The following NR6A1 variants were observed in gnomAD, a reference collection of about 807,000 sequenced individuals.
The protein encoded by NR6A1 is retinoic acid receptor-related testis-associated receptor.
A neutral mutation model predicts 59.1 loss-of-function variants in NR6A1; 7 were observed. That is an observed-to-expected ratio of 0.12 (90% CI 0.07 to 0.22). The LOEUF (loss-of-function observed/expected upper bound fraction) is 0.22, where lower values mean the gene tolerates loss of function less well. NR6A1 is among the 10% of genes least tolerant of loss of function. The pLI is 1.00. For missense variants in NR6A1, 468 were observed against 611.6 expected (o/e 0.77, Z 2.48); for synonymous variants, 243 against 236.1 (o/e 1.03, Z -0.27).
At chr9:124,723,693 G>C (rs1438713291) in intron 2 of NR6A1, among the ~76,000 whole-genome samples, 2 of 152,304 alleles carry the variant, frequency 1.3e-5, no homozygotes, top group African/African-American at 4.8e-5. Context: ...ACACTTAATA[G>C]TATTTACCAT....
chr9:124,649,795 A>C (rs1244402724), intron 2 of NR6A1, among the ~76,000 whole-genome samples: 1 of 152,206 alleles, frequency 6.6e-6, no homozygotes, highest in African/African-American at 2.4e-5. Context: ...AAAAAGATGA[A>C]GAGACATTTC....
chr9:124,625,591 CTGTTCTTCATTAATTCTAGTG>C (rs1223085808), intron 2 of NR6A1, among the ~76,000 whole-genome samples: 30 of 152,280 alleles, frequency 2.0e-4, no homozygotes, highest in African/African-American at 7.0e-4. Context: ...TCTAGGTTTT[CTGTTCTTCATTAATTCTAGTG>C]TGTTCTTCAT....
intron 2 of NR6A1, among the ~76,000 whole-genome samples, chr9:124,563,351 A>T (rs1185294524): frequency 6.6e-6 from 1 of 152,232 alleles, no homozygotes; most frequent in Non-Finnish European, 1.5e-5. Context: ...GTACTGGATC[A>T]CAATGTATGT....
chr9:124,714,565 A>T (rs536431847), intron 2 of NR6A1, among the ~76,000 whole-genome samples: 3 of 152,320 alleles, frequency 2.0e-5, no homozygotes, highest in Admixed American at 1.3e-4. Context: ...CAATAAGAAA[A>T]ATAAATAAGT....
intron 2 of NR6A1, among the ~76,000 whole-genome samples, chr9:124,659,292 G>C (rs1026634875): frequency 3.3e-5 from 5 of 152,116 alleles, no homozygotes; most frequent in Non-Finnish European, 7.3e-5. Context: ...GGAGCGGGGG[G>C]GCGGGTAGGG....
At chr9:124,571,933 A>T (rs866713404) in intron 2 of NR6A1, among the ~76,000 whole-genome samples, 7 of 152,318 alleles carry the variant, frequency 4.6e-5, no homozygotes, top group African/African-American at 1.4e-4. Flanking sequence ...AAAAAAAAAA[A>T]ATTGACTATG....
chr9:124,586,449 T>C (rs1834937569), intron 2 of NR6A1, among the ~76,000 whole-genome samples: 1 of 151,986 alleles, frequency 6.6e-6, no homozygotes, highest in Non-Finnish European at 1.5e-5. Flanking sequence ...ATGATAATTT[T>C]TTTTTTTTTT....
intron 2 of NR6A1, among the ~76,000 whole-genome samples, chr9:124,731,644 T>G (rs147350962): frequency 3.3e-5 from 5 of 152,188 alleles, no homozygotes; most frequent in African/African-American, 1.2e-4. Context: ...TCCTTCAGCA[T>G]GAAGGTGGTG....
intron 2 of NR6A1, among the ~76,000 whole-genome samples, chr9:124,731,489 C>T (rs1018474967): frequency 4.6e-5 from 7 of 152,072 alleles, no homozygotes; most frequent in Non-Finnish European, 8.8e-5. Context: ...TCGAATAACA[C>T]GTTTCAACTA....
chr9:124,715,231 C>T (rs1373681339), intron 2 of NR6A1, among the ~76,000 whole-genome samples: 1 of 151,308 alleles, frequency 6.6e-6, no homozygotes, highest in African/African-American at 2.4e-5. Flanking sequence ...ACTCAAGACT[C>T]AATATTATTG....
chr9:124,567,964 A>T (rs914836542), intron 2 of NR6A1, among the ~76,000 whole-genome samples: 2 of 148,482 alleles, frequency 1.3e-5, no homozygotes, highest in Non-Finnish European at 3.0e-5. Flanking sequence ...TCACGAGGTC[A>T]AGAGATTGAG....
intron 4 of NR6A1, among the ~76,000 whole-genome samples, chr9:124,541,832 A>G (rs1833456972): frequency 6.6e-6 from 1 of 152,220 alleles, no homozygotes; most frequent in Non-Finnish European, 1.5e-5. Context: ...TATACATAAA[A>G]CACCTTAAAA....
chr9:124,535,996 T>C lies in NR6A1; in HGVS notation c.961A>G (p.Ser321Gly). 1.9e-6 allele frequency: 3 copies of C among 1,614,180 alleles called. No homozygotes were observed. Among genetic ancestry groups the C allele is most frequent in the Non-Finnish European group, 2.5e-6 (3 of 1,180,046 alleles). Residue 321 changes from serine (S) to glycine (G), a missense_variant, in exon 7 of 10, where the codon AGC (serine) becomes GGC (glycine). Ser to Gly is a moderately conservative substitution (Grantham distance 56, BLOSUM62 0). This residue lies in a region of NR6A1 where 176 missense variants were observed against 264.0 expected (regional missense o/e 0.67). Coordinates refer to ENST00000487099, the MANE Select transcript of NR6A1 (RefSeq NM_033334.4). The stretch of plus-strand genomic sequence containing the variant: ...AGGATTAGCTCCTGCCACGTAGAGC[T>C]CAAGAGGCACGTGTAATCCTTGATT... ...LSIKDYTCLLSSTWQELILLS... is the reference protein window; with the variant it reads ...LSIKDYTCLLGSTWQELILLS...
chr9:124,661,961 T>C (rs1307015245), intron 2 of NR6A1, among the ~76,000 whole-genome samples: 3 of 151,974 alleles, frequency 2.0e-5, no homozygotes, highest in Admixed American at 6.6e-5. Flanking sequence ...ATATCCAGCA[T>C]ACCCATCTTC....
intron 2 of NR6A1, among the ~76,000 whole-genome samples, chr9:124,558,886 C>T (rs1002391340): frequency 1.3e-5 from 2 of 152,126 alleles, no homozygotes; most frequent in African/African-American, 4.8e-5. Flanking sequence ...TGTAAATGAA[C>T]AAACTGAAGC....
At chr9:124,696,378 T>G (rs1004574716) in intron 2 of NR6A1, among the ~76,000 whole-genome samples, 1 of 152,144 alleles carries the variant, frequency 6.6e-6, no homozygotes, top group African/African-American at 2.4e-5. Flanking sequence ...TGGCTTTTGT[T>G]TTTCAAAATA....
At chr9:124,707,181 T>C (rs1471768360) in intron 2 of NR6A1, among the ~76,000 whole-genome samples, 2 of 152,164 alleles carry the variant, frequency 1.3e-5, no homozygotes, top group African/African-American at 2.4e-5. Context: ...GTTCTGTTCC[T>C]TTTTCCTCAA....
At position 124,538,145 on chromosome 9, in the gene NR6A1, C is replaced by T. The variant is rs1260301983; in HGVS notation, c.771G>A (p.Leu257=). 3.7e-6 allele frequency: 6 copies of T among 1,614,034 alleles called. No homozygotes were observed. The highest frequency in any genetic ancestry group is 1.6e-4 in the Middle Eastern group (1 of 6,084). ...ATGGTTCCAGGTCCTCGGCTGATAACAGCTGGTGAATCAGACTGTATGACT... is the reference window on the plus strand; with the variant it reads ...ATGGTTCCAGGTCCTCGGCTGATAATAGCTGGTGAATCAGACTGTATGACT... ...DPQSYSLIHQ[L]LSAEDLEPLG... Residue 257 remains leucine, a synonymous_variant, in exon 6 of 10, where the codon CTG becomes CTA. Coordinates refer to ENST00000487099, the MANE Select transcript of NR6A1 (RefSeq NM_033334.4).
chr9:124,752,273 A>G (rs1840523868), intron 1 of NR6A1, among the ~76,000 whole-genome samples: 1 of 152,212 alleles, frequency 6.6e-6, no homozygotes, highest in Non-Finnish European at 1.5e-5. Context: ...TGTCTCAAAC[A>G]AACAAAAAAA....
Sources: allele counts gnomAD v4.1 joint callset (sites outside exome capture counted in the v4.1 genomes callset), GRCh38; gene constraint gnomAD v4.1.1; regional missense constraint gnomAD v4.1.1; transcripts MANE v1.5; gene names NCBI Gene and HGNC (gene_info 2026-07-23, HGNC 2026-07-21).